The following RRBP1 variants were observed in gnomAD, a reference collection of about 807,000 sequenced individuals.
The protein encoded by RRBP1 is ribosome binding protein 1.
RRBP1 carries 94 observed loss-of-function variants against 165.2 expected under a neutral mutation model. The observed-to-expected ratio is 0.57, with a 90% CI of 0.48 to 0.68. The LOEUF (loss-of-function observed/expected upper bound fraction) is 0.68. Among genes scored for constraint, RRBP1 ranks in the 30% least tolerant of loss-of-function variants. RRBP1 has a pLI of 0.00. For synonymous variants in RRBP1, 680 were observed against 714.5 expected (o/e 0.95, Z 0.77); for missense variants, 1,676 against 1,763.0 (o/e 0.95, Z 0.88).
At chr20:17,671,274 T>A (rs2036973074) in intron 2 of RRBP1, among the ~76,000 whole-genome samples, 1 of 152,240 alleles carries the variant, frequency 6.6e-6, no homozygotes, top group Admixed American at 6.5e-5. Flanking sequence ...TTATGTTTTC[T>A]GAGATCTCTT....
chr20:17,616,688 T>A (rs551940343), intron 21 of RRBP1, 44 bp downstream of exon 21: 1 of 1,369,160 alleles, frequency 7.3e-7, no homozygotes, highest in African/African-American at 1.4e-5. Flanking sequence ...CCTGCACTCT[T>A]CTGGGATTAG....
chr20:17,616,547 C>T lies in RRBP1; in HGVS notation c.3867+185G>A, dbSNP rs112293193. 2.5e-3 allele frequency among the ~76,000 whole-genome samples: 388 copies of T among 152,336 alleles called. 1 individual carries two copies. Among genetic ancestry groups the T allele is most frequent in the African/African-American group, 8.9e-3 (371 of 41,574 alleles). On this transcript the variant is annotated intron_variant, in intron 21 of 24. Transcript: ENST00000377813. The stretch of plus-strand genomic sequence containing the variant: ...CTCCTCCAGCCTCTCCACCTGGCCA[C>T]CTTTCTGTTCCATGCTCTGTGGCTT...
chr20:17,620,018 G>A (rs544416576), intron 18 of RRBP1, among the ~76,000 whole-genome samples: 3 of 152,328 alleles, frequency 2.0e-5, no homozygotes, highest in Non-Finnish European at 4.4e-5. Flanking sequence ...GAAGGGGGCA[G>A]TGGGGCCACC....
intron 3 of RRBP1, among the ~76,000 whole-genome samples, chr20:17,652,896 C>T (rs985207643): frequency 6.6e-6 from 1 of 152,198 alleles, no homozygotes; most frequent in African/African-American, 2.4e-5. Context: ...ACATATAAGA[C>T]GTAGCAAGGG....
intron 11 of RRBP1, among the ~76,000 whole-genome samples, chr20:17,625,949 C>T (rs892205243): frequency 6.6e-6 from 1 of 152,164 alleles, no homozygotes; most frequent in Admixed American, 6.5e-5. Flanking sequence ...CATGTGACAG[C>T]CTCCGCCGGC....
chr20:17,643,227 G>A lies in RRBP1; in HGVS notation c.1913-100C>T, dbSNP rs551449999. 1.0e-4 allele frequency: 134 copies of A among 1,288,092 alleles called. 1 individual carries two copies. In the East Asian group the frequency reaches 1.5e-3, roughly 15 times the overall value. The allele number at this position is 1,288,092 out of a possible 1,614,324, so 79.8% of individuals were successfully genotyped here. A position where few individuals can be genotyped will look rare whatever the true frequency, so the allele number is the denominator to read the frequency against. On this transcript the variant is annotated intron_variant, in intron 3 of 24. Transcript: ENST00000377813. The surrounding 1 kb of genome is among the most constrained non-coding windows in gnomAD (Gnocchi z 4.3). Reference sequence around the variant, plus strand: ...CCAAGAAGGTTCTGGTCACAGCCACGAAGAGCTCTCTGACTGCTTGGGGTC... The same window carrying A: ...CCAAGAAGGTTCTGGTCACAGCCACAAAGAGCTCTCTGACTGCTTGGGGTC...
At chr20:17,649,820 C>T (rs2036524937) in intron 3 of RRBP1, among the ~76,000 whole-genome samples, 1 of 152,104 alleles carries the variant, frequency 6.6e-6, no homozygotes, top group South Asian at 2.1e-4. Context: ...CGAGACTGCA[C>T]ACGACACAGA....
intron 3 of RRBP1, among the ~76,000 whole-genome samples, chr20:17,650,463 A>G (rs906171171): frequency 2.0e-5 from 3 of 152,214 alleles, no homozygotes; most frequent in African/African-American, 7.2e-5. Flanking sequence ...CCAAGACAGA[A>G]GTGCCATGTC....
At chr20:17,628,355 C>T (rs966382345) in intron 9 of RRBP1, among the ~76,000 whole-genome samples, 4 of 152,164 alleles carry the variant, frequency 2.6e-5, no homozygotes, top group Admixed American at 6.5e-5. Flanking sequence ...CGCCCACTGC[C>T]GAAGCCTACG....
intron 2 of RRBP1, among the ~76,000 whole-genome samples, chr20:17,664,368 T>G (rs1006839521): frequency 3.3e-5 from 5 of 152,192 alleles, no homozygotes; most frequent in African/African-American, 1.2e-4. Flanking sequence ...AATTTTCCAT[T>G]TAATATTGTC....
chr20:17,630,647 G>C (rs894894905), intron 8 of RRBP1, among the ~76,000 whole-genome samples: 4 of 152,176 alleles, frequency 2.6e-5, no homozygotes, highest in Non-Finnish European at 5.9e-5. Context: ...GTGCTCCACA[G>C]GACACCCTCA....
At chr20:17,641,248 T>C (rs940787756) in intron 5 of RRBP1, among the ~76,000 whole-genome samples, 1 of 152,244 alleles carries the variant, frequency 6.6e-6, no homozygotes, top group Non-Finnish European at 1.5e-5. Context: ...CACCACCGTT[T>C]GCTGTTCAGA....
Position 17,636,746 on chromosome 20 carries a change from A to T in RRBP1, c.2185-17T>A. ...TGCCATCTCCTGGGGGGAAAGTAGC[A>T]GAGAGAGGGGCTGGTAAGCCTTGCA... is the stretch of plus-strand genomic sequence containing the variant. On this transcript the variant is annotated splice_polypyrimidine_tract_variant and intron_variant, in intron 5 of 24. Coordinates refer to ENST00000377813, the MANE Select transcript of RRBP1 (RefSeq NM_001365613.2). The T allele has an allele frequency of 3.7e-6, 6 of 1,612,110 alleles. No individual in the cohort carries two copies. The highest frequency in any genetic ancestry group is 5.1e-6 in the Non-Finnish European group (6 of 1,179,982).
intron 2 of RRBP1, among the ~76,000 whole-genome samples, chr20:17,669,472 G>A (rs1600186717): frequency 6.6e-6 from 1 of 152,186 alleles, no homozygotes; most frequent in Non-Finnish European, 1.5e-5. Context: ...GTAAACATTT[G>A]TCTCCCAAAA....
intron 9 of RRBP1, 34 bp downstream of exon 9, chr20:17,629,789 A>C: frequency 1.9e-6 from 3 of 1,581,670 alleles, no homozygotes; most frequent in Non-Finnish European, 2.6e-6. Context: ...AGCACCCTGC[A>C]CTGAACCCCC....
At chr20:17,636,361 G>T (rs2036248528) in intron 6 of RRBP1, among the ~76,000 whole-genome samples, 1 of 152,204 alleles carries the variant, frequency 6.6e-6, no homozygotes, top group South Asian at 2.1e-4. Flanking sequence ...ATACCTCCCT[G>T]GCTTTTAACA....
intron 9 of RRBP1, among the ~76,000 whole-genome samples, 160 bp downstream of exon 9, chr20:17,629,663 T>G (rs938053366): frequency 2.6e-5 from 4 of 151,940 alleles, no homozygotes; most frequent in African/African-American, 9.7e-5. Flanking sequence ...CTGGGCATAA[T>G]CCCCTGCTCT....
Position 17,633,567 on chromosome 20 carries a change from T to G in RRBP1, c.2503A>C (p.Ser835Arg), listed in dbSNP as rs765268229. The change falls in exon 8 of 25, where the codon AGC (serine) becomes CGC (arginine). Residue 835 changes from serine (S) to arginine (R), a missense_variant. Ser to Arg is a moderately radical substitution (Grantham distance 110). Transcript: ENST00000377813. ...TCTGACTTCTCCACCAGCTCTTTGC[T>G]GACCTTGCTGAGCTCCTGCCGAAGC... ...AKLRQELSKV[S>R]KELVEKSEAV... The G allele has an allele frequency of 3.7e-6, 6 of 1,614,080 alleles. No individual in the cohort carries two copies. The highest frequency in any genetic ancestry group is 3.3e-5 in the Admixed American group (2 of 60,028).
intron 21 of RRBP1, 57 bp downstream of exon 21, chr20:17,616,675 G>A: frequency 8.3e-7 from 1 of 1,199,668 alleles, no homozygotes; most frequent in South Asian, 1.3e-5. Flanking sequence ...GGAGGCAGCA[G>A]GGCCTGCACT....
Sources: allele counts gnomAD v4.1 joint callset (sites outside exome capture counted in the v4.1 genomes callset), GRCh38; gene constraint gnomAD v4.1.1; non-coding constraint Gnocchi (gnomAD v3.1); transcripts MANE v1.5; gene names NCBI Gene and HGNC (gene_info 2026-07-23, HGNC 2026-07-21).